The following CNTN3 variants were observed in gnomAD, a reference collection of about 807,000 sequenced individuals.
The protein encoded by CNTN3 is contactin 3.
In CNTN3, 60 loss-of-function variants were observed where a neutral mutation model predicts 119.1. The ratio of observed to expected loss-of-function variants is 0.50; its 90% CI spans 0.41 to 0.62. The LOEUF is 0.62. Ranked by LOEUF, CNTN3 falls within the 20% of genes least tolerant of loss-of-function variation. The probability of loss-of-function intolerance (pLI) is 0.00; values close to 1 mark genes in which losing one functional copy is unlikely to be tolerated. For synonymous variants in CNTN3, 450 were observed against 438.7 expected (o/e 1.03, Z -0.32); for missense variants, 1,101 against 1,242.4 (o/e 0.89, Z 1.71).
intron 4 of CNTN3, among the ~76,000 whole-genome samples, chr3:74,471,304 T>G (rs1702557468): frequency 6.6e-6 from 1 of 152,076 alleles, no homozygotes; most frequent in African/African-American, 2.4e-5. Flanking sequence ...GTAACAATAC[T>G]GCATGTTCTT....
intron 5 of CNTN3, among the ~76,000 whole-genome samples, chr3:74,398,157 T>C (rs189204521): frequency 2.1e-4 from 32 of 152,328 alleles, no homozygotes; most frequent in African/African-American, 7.7e-4. Flanking sequence ...GATTTTAGTT[T>C]TGAAACAAGT....
intron 4 of CNTN3, among the ~76,000 whole-genome samples, chr3:74,485,242 T>G (rs1040095132): frequency 6.6e-6 from 1 of 152,000 alleles, no homozygotes; most frequent in Non-Finnish European, 1.5e-5. Context: ...GAAACCAAAC[T>G]CTTTGTTTAA....
At chr3:74,288,183 G>T (rs1702153848) in intron 19 of CNTN3, among the ~76,000 whole-genome samples, 1 of 119,890 alleles carries the variant, frequency 8.3e-6, no homozygotes. Flanking sequence ...TTTTGAGACA[G>T]AGTCTCACTG....
At chr3:74,277,816 G>A (rs1701912119) in intron 20 of CNTN3, among the ~76,000 whole-genome samples, 1 of 152,062 alleles carries the variant, frequency 6.6e-6, no homozygotes, top group African/African-American at 2.4e-5. Flanking sequence ...CAGTAAAGAA[G>A]AAGTCAAACT....
At chr3:74,476,006 G>C (rs148304622) in intron 4 of CNTN3, among the ~76,000 whole-genome samples, 4 of 152,240 alleles carry the variant, frequency 2.6e-5, no homozygotes, top group African/African-American at 9.6e-5. Context: ...TGGCCCCCAG[G>C]TATAGTACTG....
At chr3:74,401,979 C>T (rs1705206700) in intron 5 of CNTN3, among the ~76,000 whole-genome samples, 1 of 152,138 alleles carries the variant, frequency 6.6e-6, no homozygotes, top group African/African-American at 2.4e-5. Context: ...GTAAAAGATA[C>T]AAGGTCTTCT....
rs538384202 is a variant in CNTN3 at position 74,298,050 on chromosome 3, G to A, written c.2308C>T (p.Pro770Ser). 3.6e-4 allele frequency: 588 copies of A among 1,613,932 alleles called. 7 individuals carry two copies. In the South Asian group the frequency reaches 4.3e-3, roughly 12 times the overall value. The change falls in exon 18 of 23, where the codon CCA becomes TCA. Residue 770 changes from proline (P) to serine (S), a missense_variant. Physicochemically the swap from Pro to Ser is moderately conservative, Grantham distance 74. Transcript: ENST00000263665. Reference protein sequence around the residue: ...RYVFRNESIVPYSPYEVKVGV... With the variant: ...RYVFRNESIVSYSPYEVKVGV... ...ACTTTAACTTCATATGGTGAATATG[G>A]CACGATGCTTTCATTCCTAAAGACA...
At chr3:74,513,746 T>C (rs1434016778) in intron 2 of CNTN3, among the ~76,000 whole-genome samples, 1 of 152,114 alleles carries the variant, frequency 6.6e-6, no homozygotes, top group Non-Finnish European at 1.5e-5. Flanking sequence ...TGTTTTGAAC[T>C]GTCCTTGTAG....
At chr3:74,518,290 C>T (rs1012266584) in intron 2 of CNTN3, among the ~76,000 whole-genome samples, 1 of 151,870 alleles carries the variant, frequency 6.6e-6, no homozygotes, top group African/African-American at 2.4e-5. Flanking sequence ...CTCTGATAAA[C>T]TGTCAAGATT....
chr3:74,533,836 C>A (rs1317696247), intron 1 of CNTN3, among the ~76,000 whole-genome samples: 1 of 151,954 alleles, frequency 6.6e-6, no homozygotes, highest in Non-Finnish European at 1.5e-5. Flanking sequence ...AGCAGACACT[C>A]AACAATATCT....
intron 10 of CNTN3, 47 bp downstream of exon 10, chr3:74,364,420 G>C (rs1233847102): frequency 1.3e-6 from 2 of 1,572,422 alleles, no homozygotes; most frequent in Middle Eastern, 1.7e-4. Flanking sequence ...AACAATGAAG[G>C]ATTTAAGACA....
At chr3:74,320,106 G>T (rs1014979567) in intron 13 of CNTN3, among the ~76,000 whole-genome samples, 3 of 152,214 alleles carry the variant, frequency 2.0e-5, no homozygotes, top group African/African-American at 7.2e-5. Flanking sequence ...GGAAGTCAGT[G>T]TGGCGATTCC....
chr3:74,592,409 T>C (rs548279983), intron 1 of CNTN3, among the ~76,000 whole-genome samples: 2 of 151,730 alleles, frequency 1.3e-5, no homozygotes, highest in South Asian at 4.1e-4. Flanking sequence ...CAAATCAGAC[T>C]CAAGAATTGT....
At chr3:74,502,678 C>G (rs1436057210) in intron 2 of CNTN3, among the ~76,000 whole-genome samples, 2 of 152,114 alleles carry the variant, frequency 1.3e-5, no homozygotes, top group Non-Finnish European at 2.9e-5. Flanking sequence ...TCTGGGCTGA[C>G]ACATTTGTTC....
chr3:74,515,970 G>A (rs1181859334), intron 2 of CNTN3, among the ~76,000 whole-genome samples: 4 of 151,800 alleles, frequency 2.6e-5, no homozygotes, highest in Admixed American at 2.0e-4. Context: ...TCTCCCAATC[G>A]CTGATAAGTA....
intron 13 of CNTN3, among the ~76,000 whole-genome samples, chr3:74,323,276 C>T (rs1338578255): frequency 6.6e-6 from 1 of 152,014 alleles, no homozygotes; most frequent in African/African-American, 2.4e-5. Flanking sequence ...ACTTTCAGTT[C>T]AATTTTACTA....
chr3:74,267,235 A>G (rs1701678250), intron 21 of CNTN3, 31 bp downstream of exon 21: 1 of 1,458,758 alleles, frequency 6.9e-7, no homozygotes, highest in South Asian at 1.1e-5. Flanking sequence ...CAAAATTACG[A>G]AAATGAAGCA....
At chr3:74,290,761 G>A (rs1467581435) in intron 19 of CNTN3, among the ~76,000 whole-genome samples, 3 of 151,858 alleles carry the variant, frequency 2.0e-5, no homozygotes, top group East Asian at 3.9e-4. Context: ...GCGTGATCTC[G>A]GCTCACTGCA....
intron 11 of CNTN3, among the ~76,000 whole-genome samples, chr3:74,343,705 C>A (rs909591535): frequency 3.9e-5 from 6 of 152,188 alleles, no homozygotes; most frequent in Non-Finnish European, 7.4e-5. Flanking sequence ...TAGCCATGGG[C>A]TAGACATATA....
Sources: allele counts gnomAD v4.1 joint callset (sites outside exome capture counted in the v4.1 genomes callset), GRCh38; gene constraint gnomAD v4.1.1; transcripts MANE v1.5; gene names NCBI Gene and HGNC (gene_info 2026-07-23, HGNC 2026-07-21).